Variants in HOPX observed in about 807,000 individuals in gnomAD.
The protein encoded by HOPX is HOP homeobox.
In HOPX, 5 loss-of-function variants were observed where a neutral mutation model predicts 11.8. The ratio of observed to expected loss-of-function variants is 0.43; its 90% CI spans 0.22 to 0.89. The LOEUF (loss-of-function observed/expected upper bound fraction) is 0.89. Among genes scored for constraint, HOPX ranks in the 40% least tolerant of loss-of-function variants. The pLI, the probability that HOPX is intolerant of heterozygous loss-of-function variation, is 0.28. For missense variants in HOPX, 119 were observed against 120.0 expected, an observed-to-expected ratio of 0.99 and a Z score of 0.04; for synonymous variants, 49 against 49.7, an observed-to-expected ratio of 0.99 and a Z score of 0.06.
intron 1 of HOPX, among the ~76,000 whole-genome samples, chr4:56,658,592 C>T (rs1282751975): frequency 1.3e-5 from 2 of 152,214 alleles, no homozygotes; most frequent in Admixed American, 6.5e-5. Flanking sequence ...GCTGTTACTT[C>T]GTTTCTTCTC....
Position 56,648,793 on chromosome 4 carries a change from C to A in HOPX, c.203G>T (p.Trp68Leu). The A allele has an allele frequency of 2.5e-6, 4 of 1,607,586 alleles. No individual in the cohort carries two copies. Among genetic ancestry groups the A allele is most frequent in the Non-Finnish European group, 2.6e-6 (3 of 1,174,832 alleles). ...CCACTTTGCCAGGCGCTGCTTAAAC[C>A]ATTTCTGGAAGAGAGAAATGAGAAA... The part of the protein sequence containing the change: ...AGLSEEETQK[W>L]FKQRLAKWRR... Residue 68 changes from tryptophan (W) to leucine (L), a missense_variant, in exon 4 of 4, where the codon TGG becomes TTG. By Grantham distance (61) the Trp-to-Leu change is moderately conservative (BLOSUM62 -2). Transcript: ENST00000420433.
At chr4:56,671,988 A>G (rs188206197) in intron 1 of HOPX, among the ~76,000 whole-genome samples, 136 of 152,206 alleles carry the variant, frequency 8.9e-4, no homozygotes, top group Non-Finnish European at 4.1e-4. Context: ...GAATGGCACT[A>G]TAAATTATCA....
At chr4:56,670,105 T>C (rs1424951878) in intron 1 of HOPX, among the ~76,000 whole-genome samples, 5 of 152,346 alleles carry the variant, frequency 3.3e-5, no homozygotes, top group African/African-American at 1.2e-4. Flanking sequence ...ATTGTCAATA[T>C]GGTTGTGCTA....
At chr4:56,674,903 A>G (rs1197086370) in intron 1 of HOPX, among the ~76,000 whole-genome samples, 1 of 124,356 alleles carries the variant, frequency 8.0e-6, no homozygotes, top group Non-Finnish European at 1.6e-5. Flanking sequence ...GTGTGCCACT[A>G]TGTCTGGCTA....
upstream of HOPX, chr4:56,681,468 T>C: frequency 1.0e-6 from 1 of 993,186 alleles, no homozygotes; most frequent in Non-Finnish European, 1.2e-6. Flanking sequence ...CTCCTGGTTA[T>C]TCAGGTTTGA....
At chr4:56,668,189 T>G (rs537552431) in intron 1 of HOPX, among the ~76,000 whole-genome samples, 167 of 152,272 alleles carry the variant, frequency 1.1e-3, no homozygotes, top group Non-Finnish European at 1.8e-3. Flanking sequence ...CCTCCCAAAG[T>G]GCTGAGATTA....
At chr4:56,651,816 C>T (rs977197657) in intron 3 of HOPX, among the ~76,000 whole-genome samples, 4 of 151,242 alleles carry the variant, frequency 2.6e-5, no homozygotes, top group African/African-American at 9.7e-5. Flanking sequence ...GAACCAATTC[C>T]AGTTACATTG....
intron 1 of HOPX, among the ~76,000 whole-genome samples, chr4:56,676,196 G>A (rs1035095751): frequency 1.3e-5 from 2 of 151,570 alleles, no homozygotes; most frequent in South Asian, 4.1e-4. Flanking sequence ...TACTCTAGAG[G>A]CTGAGGTGGG....
chr4:56,655,401 G>A (rs1717588433), intron 3 of HOPX, among the ~76,000 whole-genome samples: 1 of 152,182 alleles, frequency 6.6e-6, no homozygotes, highest in African/African-American at 2.4e-5. Context: ...TTTATGGCTA[G>A]CTGGTCTCTG....
chr4:56,654,354 C>CA (rs1717477045), intron 3 of HOPX, among the ~76,000 whole-genome samples: 1 of 152,220 alleles, frequency 6.6e-6, no homozygotes, highest in Non-Finnish European at 1.5e-5. Flanking sequence ...CAGGCACAAT[C>CA]AGAGGCCGAG....
intron 2 of HOPX, 167 bp from the exon 3 acceptor site, chr4:56,656,179 A>T: frequency 9.0e-7 from 1 of 1,108,550 alleles, no homozygotes; most frequent in Non-Finnish European, 1.2e-6. Context: ...GCGGGGGCTT[A>T]CGGCTGCCCC....
At chr4:56,672,627 A>G (rs1718799660) in intron 1 of HOPX, 1 of 151,758 alleles carries the variant, frequency 6.6e-6, no homozygotes, top group African/African-American at 2.4e-5. Flanking sequence ...AAAAATTATT[A>G]TTATTATTAC....
intron 1 of HOPX, among the ~76,000 whole-genome samples, chr4:56,676,165 G>C (rs1719006127): frequency 6.6e-6 from 1 of 151,526 alleles, no homozygotes. Context: ...AGGTGTGGTG[G>C]TGTGTGTCTG....
At chr4:56,666,796 A>AT (rs1405175416) in intron 1 of HOPX, among the ~76,000 whole-genome samples, 6 of 152,210 alleles carry the variant, frequency 3.9e-5, no homozygotes, top group Non-Finnish European at 7.3e-5. Flanking sequence ...CTCTATGATG[A>AT]TTGTTATGAA....
At chr4:56,680,823 G>T in intron 1 of HOPX, 1 of 168,474 alleles carries the variant, frequency 5.9e-6, no homozygotes, top group Non-Finnish European at 1.2e-5. Flanking sequence ...ACTTCCCCTT[G>T]TCAAACACAA....
chr4:56,656,479 G>A (rs1054792603), intron 2 of HOPX: 1 of 943,462 alleles, frequency 1.1e-6, no homozygotes, highest in East Asian at 1.3e-4. Context: ...CCGAGTCCGC[G>A]ACTAGCCGGC....
chr4:56,650,818 TGAGAA>T, intron 3 of HOPX: 1 of 1,540,642 alleles, frequency 6.5e-7, no homozygotes, highest in Non-Finnish European at 8.8e-7. Context: ...CTACCCTTCA[TGAGAA>T]GAGAGAACTC....
chr4:56,669,233 C>A (rs972861454), intron 1 of HOPX, among the ~76,000 whole-genome samples: 1 of 152,150 alleles, frequency 6.6e-6, no homozygotes, highest in African/African-American at 2.4e-5. Flanking sequence ...GGCTCTGCTC[C>A]TGATTTGCTG....
At chr4:56,678,191 G>C (rs1005677943) in intron 1 of HOPX, among the ~76,000 whole-genome samples, 5 of 151,484 alleles carry the variant, frequency 3.3e-5, no homozygotes, top group African/African-American at 7.3e-5. Context: ...TTGAGCCTCT[G>C]TTGCTGTGTT....
Sources: gnomAD v4.1 joint callset for allele counts (sites outside exome capture counted in the v4.1 genomes callset) on GRCh38, gnomAD v4.1.1 for gene constraint, MANE v1.5 for transcripts, NCBI Gene and HGNC (gene_info 2026-07-23, HGNC 2026-07-21) for gene names.